PURB: variants seen among roughly 807,000 people sequenced by gnomAD.
PURB encodes transcriptional regulator protein Pur-beta.
A neutral mutation model predicts 21.1 loss-of-function variants in PURB; 11 were observed. The ratio of observed to expected loss-of-function variants is 0.52; its 90% CI spans 0.33 to 0.86. The LOEUF (loss-of-function observed/expected upper bound fraction) is 0.86, where lower values mean the gene tolerates loss of function less well. Ranked by LOEUF, PURB falls within the 40% of genes least tolerant of loss-of-function variation. The pLI is 0.02. For missense variants in PURB, 357 were observed against 456.5 expected, an observed-to-expected ratio of 0.78 and a Z score of 1.99; for synonymous variants, 246 against 210.8, an observed-to-expected ratio of 1.17 and a Z score of -1.45.
In PURB at chr7:44,882,996, T is replaced by A. The variant is rs1241343390; in HGVS notation, c.*1414A>T. On this transcript the variant is annotated 3_prime_UTR_variant, in exon 1 of 1. Transcript: ENST00000395699. ...CTGGATTAACTGGCAAAAGCCAGTT[T>A]GTTGAAATTTCAAGATGGTATAAAA... 6.6e-6 allele frequency: 1 copy of A among 152,384 alleles called. No individual in the cohort carries two copies. The highest frequency in any genetic ancestry group is 1.5e-5 in the Non-Finnish European group (1 of 68,026). 9.4% of individuals were successfully genotyped at this position (152,384 alleles called of 1,614,324 possible).
chr7:44,881,778 A>G lies in PURB; in HGVS notation c.*2632T>C, dbSNP rs952552977. 3.9e-5 allele frequency: 6 copies of G among 154,744 alleles called. No homozygotes were observed. The highest frequency in any genetic ancestry group is 1.4e-4 in the African/African-American group (6 of 41,512). The allele number at this position is 154,744 out of a possible 1,614,324, so 9.6% of individuals were successfully genotyped here. Reference sequence around the variant, plus strand: ...GTAGTGTTCTTGGCATATACTCTATATGCCTCAGACCACTTCCACATTCTT... The same window carrying G: ...GTAGTGTTCTTGGCATATACTCTATGTGCCTCAGACCACTTCCACATTCTT... On this transcript the variant is annotated 3_prime_UTR_variant, in exon 1 of 1. Coordinates refer to ENST00000395699, the MANE Select transcript of PURB (RefSeq NM_033224.5).
chr7:44,885,384 C>T lies in PURB; in HGVS notation c.-36G>A. 2.2e-6 allele frequency: 2 copies of T among 903,496 alleles called. No homozygotes were observed. Among genetic ancestry groups the T allele is most frequent in the Non-Finnish European group, 1.4e-6 (1 of 733,480 alleles). The allele number at this position is 903,496 out of a possible 1,614,324, so 56.0% of individuals were successfully genotyped here. ...GCCGCCTCGCCGCCACCGCCCGCCGCGCTCGCGCCCCCGCCCTCCGGCTCG... is the reference window on the plus strand; with the variant it reads ...GCCGCCTCGCCGCCACCGCCCGCCGTGCTCGCGCCCCCGCCCTCCGGCTCG... On this transcript the variant is annotated 5_prime_UTR_variant, in exon 1 of 1. Transcript: ENST00000395699.
chr7:44,885,139 C>T lies in PURB; in HGVS notation c.210G>A (p.Lys70=), dbSNP rs1162190397. The stretch of plus-strand genomic sequence containing the variant: ...CCGCCATGGACAGCGTGAGGCGGCT[C>T]TTGGAACCGCCCGCGCCCACCTCGG... The part of the protein sequence containing the change: ...KIAEVGAGGS[K]SRLTLSMAVA... Residue 70 remains lysine (K), a synonymous_variant, in exon 1 of 1, where the codon AAG becomes AAA. Coordinates refer to ENST00000395699, the MANE Select transcript of PURB (RefSeq NM_033224.5). The T allele has an allele frequency of 1.9e-6, 3 of 1,570,444 alleles. No homozygotes were observed. Among genetic ancestry groups the T allele is most frequent in the Admixed American group, 1.9e-5 (1 of 53,134 alleles).
rs1005819321 is a variant in PURB at position 44,883,223 on chromosome 7, G to A, written c.*1187C>T. The A allele has an allele frequency of 2.6e-5, 4 of 152,580 alleles. No homozygotes were observed. Among genetic ancestry groups the A allele is most frequent in the African/African-American group, 7.2e-5 (3 of 41,426 alleles). The allele number at this position is 152,580 out of a possible 1,614,324, so 9.5% of individuals were successfully genotyped here. ...GGAATTCTGGACCTGAGGATCTTTA[G>A]TATTTGAACAAATCCACAGATTAAA... On this transcript the variant is annotated 3_prime_UTR_variant, in exon 1 of 1. Transcript: ENST00000395699.
Position 44,884,914 on chromosome 7 carries a change from G to A in PURB, c.435C>T (p.Arg145=), listed in dbSNP as rs989694489. ...LKENQRGRFL[R]IRQTVNRGGG... ...CGCCGCGGTTGACCGTTTGGCGGATGCGCAGGAAGCGGCCGCGCTGGTTCT... is the reference window on the plus strand; with the variant it reads ...CGCCGCGGTTGACCGTTTGGCGGATACGCAGGAAGCGGCCGCGCTGGTTCT... Residue 145 remains arginine, a synonymous_variant, in exon 1 of 1, where the codon CGC becomes CGT. Coordinates refer to ENST00000395699, the MANE Select transcript of PURB (RefSeq NM_033224.5). The A allele has an allele frequency of 5.7e-6, 9 of 1,579,932 alleles. No individual in the cohort carries two copies. The highest frequency in any genetic ancestry group is 2.3e-5 in the East Asian group (1 of 43,040).
At position 44,876,956 on chromosome 7, in the gene PURB, T is replaced by C. The variant is rs1347121425; in HGVS notation, c.*7454A>G. 6.6e-6 allele frequency: 1 copy of C among 152,660 alleles called. No homozygotes were observed. Among genetic ancestry groups the C allele is most frequent in the African/African-American group, 2.4e-5 (1 of 41,462 alleles). The allele number at this position is 152,660 out of a possible 1,614,324, so 9.5% of individuals were successfully genotyped here. On this transcript the variant is annotated 3_prime_UTR_variant, in exon 1 of 1. Transcript: ENST00000395699. ...ACAGGAATACACACTTGGTTTACAA[T>C]GCATAAGCATGTGGGTATTTACACA...
rs975003013 is a variant in PURB, at chr7:44,878,518, T to G, written c.*5892A>C. 6.6e-6 allele frequency: 1 copy of G among 152,562 alleles called. No homozygotes were observed. The highest frequency in any genetic ancestry group is 1.5e-5 in the Non-Finnish European group (1 of 68,034). 9.5% of individuals were successfully genotyped at this position (152,562 alleles called of 1,614,324 possible). A position where few individuals can be genotyped will look rare whatever the true frequency, so the allele number is the denominator to read the frequency against. Reference sequence around the variant, plus strand: ...AGCAGTGAAACTACCAATATGGCAGTTGCTATTCTATTGTTTTAACATGAC... The same window carrying G: ...AGCAGTGAAACTACCAATATGGCAGGTGCTATTCTATTGTTTTAACATGAC... On this transcript the variant is annotated 3_prime_UTR_variant, in exon 1 of 1. Coordinates refer to ENST00000395699, the MANE Select transcript of PURB (RefSeq NM_033224.5).
Position 44,884,891 on chromosome 7 carries a change from C to T in PURB, c.458G>A (p.Gly153Asp). 6.4e-7 allele frequency: 1 copy of T among 1,565,908 alleles called. No homozygotes were observed. The highest frequency in any genetic ancestry group is 8.6e-7 in the Non-Finnish European group (1 of 1,158,556). The change falls in exon 1 of 1, where the codon GGC becomes GAC. Residue 153 changes from glycine to aspartate, a missense_variant. By Grantham distance (94) the Gly-to-Asp change is moderately conservative (BLOSUM62 -1). Transcript: ENST00000395699. Reference sequence around the variant, plus strand: ...GGGGCCCGCGCCGAAGCCGCCACCGCCGCGGTTGACCGTTTGGCGGATGCG... The same window carrying T: ...GGGGCCCGCGCCGAAGCCGCCACCGTCGCGGTTGACCGTTTGGCGGATGCG... ...FLRIRQTVNRGGGGFGAGPGP... is the reference protein window; with the variant it reads ...FLRIRQTVNRDGGGFGAGPGP...
chr7:44,885,312 C>T lies in PURB; in HGVS notation c.37G>A (p.Gly13Ser). ...GGCTGGAACCCGCACGGCCCACCGC[C>T]GCCGCCGCGCTCGCTGCCGCTGTCG... is the stretch of plus-strand genomic sequence containing the variant. Reference protein sequence around the residue: ...DGDSGSERGGGGGPCGFQPAS... With the variant: ...DGDSGSERGGSGGPCGFQPAS... The change falls in exon 1 of 1, where the codon GGC becomes AGC. Residue 13 changes from glycine to serine, a missense_variant. Coordinates refer to ENST00000395699, the MANE Select transcript of PURB (RefSeq NM_033224.5). The T allele has an allele frequency of 7.4e-6, 10 of 1,358,856 alleles. No homozygotes were observed. Among genetic ancestry groups the T allele is most frequent in the Non-Finnish European group, 9.4e-6 (10 of 1,062,390 alleles). The allele number at this position is 1,358,856 out of a possible 1,614,324, so 84.2% of individuals were successfully genotyped here.
chr7:44,882,866 G>C lies in PURB; in HGVS notation c.*1544C>G, dbSNP rs192436366. ...GACATTTCTAGGAATACCTTTTGAT[G>C]GGGTGGGATTAACTTGATTAGTAAA... On this transcript the variant is annotated 3_prime_UTR_variant, in exon 1 of 1. Transcript: ENST00000395699. 371 of 152,316 alleles carry C rather than the reference G, an allele frequency of 2.4e-3. No individual in the cohort carries two copies. Among genetic ancestry groups the C allele is most frequent in the African/African-American group, 8.5e-3 (355 of 41,572 alleles). The allele number at this position is 152,316 out of a possible 1,614,324, so 9.4% of individuals were successfully genotyped here. A position where few individuals can be genotyped will look rare whatever the true frequency, so the allele number is the denominator to read the frequency against.
rs1793835676 is a variant in PURB at position 44,878,830 on chromosome 7, A to G, written c.*5580T>C. ...CAAGTAAGAGTCTGTTAAATCCGTCAGTAATAAAACTGAGTTTTAAGACTG... is the reference window on the plus strand; with the variant it reads ...CAAGTAAGAGTCTGTTAAATCCGTCGGTAATAAAACTGAGTTTTAAGACTG... On this transcript the variant is annotated 3_prime_UTR_variant, in exon 1 of 1. Transcript: ENST00000395699. 6.6e-6 allele frequency: 1 copy of G among 152,442 alleles called. No individual in the cohort carries two copies. The highest frequency in any genetic ancestry group is 2.4e-5 in the African/African-American group (1 of 41,470). The allele number at this position is 152,442 out of a possible 1,614,324, so 9.4% of individuals were successfully genotyped here.
In PURB at chr7:44,884,538, C is replaced by A; in HGVS notation, c.811G>T (p.Ala271Ser). The change falls in exon 1 of 1, where the codon GCC (alanine) becomes TCC (serine). Residue 271 changes from alanine (A) to serine (S), a missense_variant. By Grantham distance (99) the Ala-to-Ser change is moderately conservative. Transcript: ENST00000395699. Reference protein sequence around the residue: ...PFKAWGKFGGAFCRYADEMKE... With the variant: ...PFKAWGKFGGSFCRYADEMKE... Reference sequence around the variant, plus strand: ...ATCTCATCCGCATACCGGCAAAAGGCGCCTCCGAACTTGCCCCAGGCTTTG... The same window carrying A: ...ATCTCATCCGCATACCGGCAAAAGGAGCCTCCGAACTTGCCCCAGGCTTTG... The A allele has an allele frequency of 6.2e-7, 1 of 1,614,126 alleles. No homozygotes were observed. The highest frequency in any genetic ancestry group is 8.5e-7 in the Non-Finnish European group (1 of 1,180,034).
In PURB at chr7:44,883,919, A is replaced by G; in HGVS notation, c.*491T>C. 1 of 157,190 alleles carries G rather than the reference A, an allele frequency of 6.4e-6. No homozygotes were observed. Among genetic ancestry groups the G allele is most frequent in the Non-Finnish European group, 1.4e-5 (1 of 71,134 alleles). The allele number at this position is 157,190 out of a possible 1,614,324, so 9.7% of individuals were successfully genotyped here. A position where few individuals can be genotyped will look rare whatever the true frequency, so the allele number is the denominator to read the frequency against. On this transcript the variant is annotated 3_prime_UTR_variant, in exon 1 of 1. Coordinates refer to ENST00000395699, the MANE Select transcript of PURB (RefSeq NM_033224.5). Reference sequence around the variant, plus strand: ...GCCTCTCTTCTCAAGGATTCCATGAAGACCTAGATCCAAAATGCTGATTTC... The same window carrying G: ...GCCTCTCTTCTCAAGGATTCCATGAGGACCTAGATCCAAAATGCTGATTTC...
rs554743978 is a variant in PURB at position 44,881,112 on chromosome 7, A to C, written c.*3298T>G. The C allele has an allele frequency of 2.6e-5, 4 of 152,428 alleles. No homozygotes were observed. In the South Asian group the frequency reaches 8.3e-4, roughly 32 times the overall value. The allele number at this position is 152,428 out of a possible 1,614,324, so 9.4% of individuals were successfully genotyped here. A position where few individuals can be genotyped will look rare whatever the true frequency, so the allele number is the denominator to read the frequency against. The stretch of plus-strand genomic sequence containing the variant: ...TTCTGTTCCTAAAATTTGGCTTTTC[A>C]CCTTTGTAACTATGGTAGTTTGGGA... On this transcript the variant is annotated 3_prime_UTR_variant, in exon 1 of 1. Coordinates refer to ENST00000395699, the MANE Select transcript of PURB (RefSeq NM_033224.5).
chr7:44,884,269 T>C lies in PURB; in HGVS notation c.*141A>G. 2.1e-6 allele frequency: 3 copies of C among 1,451,260 alleles called. No individual in the cohort carries two copies. The highest frequency in any genetic ancestry group is 2.4e-5 in the East Asian group (1 of 41,376). 89.9% of individuals were successfully genotyped at this position (1,451,260 alleles called of 1,614,324 possible). A position where few individuals can be genotyped will look rare whatever the true frequency, so the allele number is the denominator to read the frequency against. On this transcript the variant is annotated 3_prime_UTR_variant, in exon 1 of 1. Coordinates refer to ENST00000395699, the MANE Select transcript of PURB (RefSeq NM_033224.5). The stretch of plus-strand genomic sequence containing the variant: ...ACTGTTCTCTTACGATTATTTCTCT[T>C]AACTGTGTTACGTTTTGTTTTTTCC...
rs1448900990 is a variant in PURB at position 44,879,376 on chromosome 7, G to A, written c.*5034C>T. On this transcript the variant is annotated 3_prime_UTR_variant, in exon 1 of 1. Coordinates refer to ENST00000395699, the MANE Select transcript of PURB (RefSeq NM_033224.5). ...TATGACACATACTTTATTCTTTTTT[G>A]TCTGTATTTTCTTAAGGTAAATGTG... 6.6e-6 allele frequency: 1 copy of A among 151,024 alleles called. No homozygotes were observed. The highest frequency in any genetic ancestry group is 1.5e-5 in the Non-Finnish European group (1 of 67,672). The allele number at this position is 151,024 out of a possible 1,614,324, so 9.4% of individuals were successfully genotyped here.
At position 44,880,393 on chromosome 7, in the gene PURB, A is replaced by C. The variant is rs985862361; in HGVS notation, c.*4017T>G. 2.6e-5 allele frequency: 4 copies of C among 152,684 alleles called. No individual in the cohort carries two copies. Among genetic ancestry groups the C allele is most frequent in the Non-Finnish European group, 5.9e-5 (4 of 68,052 alleles). The allele number at this position is 152,684 out of a possible 1,614,324, so 9.5% of individuals were successfully genotyped here. On this transcript the variant is annotated 3_prime_UTR_variant, in exon 1 of 1. Coordinates refer to ENST00000395699, the MANE Select transcript of PURB (RefSeq NM_033224.5). ...TACCATAATTGGGTTAAAAATGAAA[A>C]CAAAATTTACAGTGAAGAATACTTA... is the stretch of plus-strand genomic sequence containing the variant.
In PURB at chr7:44,881,164, A is replaced by T. The variant is rs759527891; in HGVS notation, c.*3246T>A. On this transcript the variant is annotated 3_prime_UTR_variant, in exon 1 of 1. Transcript: ENST00000395699. ...ACAAACCTTCTAACAATTATATGAAAAGAAGTTTTAGTTTCCTACTTCTCA... is the reference window on the plus strand; with the variant it reads ...ACAAACCTTCTAACAATTATATGAATAGAAGTTTTAGTTTCCTACTTCTCA... 3 of 152,196 alleles carry T rather than the reference A, an allele frequency of 2.0e-5. No individual in the cohort carries two copies. The highest frequency in any genetic ancestry group is 4.4e-5 in the Non-Finnish European group (3 of 68,028). The allele number at this position is 152,196 out of a possible 1,614,324, so 9.4% of individuals were successfully genotyped here.
chr7:44,885,003 G>A lies in PURB; in HGVS notation c.346C>T (p.Arg116Trp). 1 of 1,542,346 alleles carries A rather than the reference G, an allele frequency of 6.5e-7. No homozygotes were observed. Among genetic ancestry groups the A allele is most frequent in the Non-Finnish European group, 8.7e-7 (1 of 1,146,576 alleles). The change falls in exon 1 of 1, where the codon CGG becomes TGG. Residue 116 changes from arginine (R) to tryptophan (W), a missense_variant. Transcript: ENST00000395699. Reference protein sequence around the residue: ...AAGAEEGGGPRRALKSEFLVR... With the variant: ...AAGAEEGGGPWRALKSEFLVR... ...AAGAATTCGCTCTTGAGCGCGCGCC[G>A]CGGCCCGCCGCCCTCCTCGGCGCCA...
Sources: gnomAD v4.1 joint callset for allele counts on GRCh38, gnomAD v4.1.1 for gene constraint, MANE v1.5 for transcripts, NCBI Gene and HGNC (gene_info 2026-07-23, HGNC 2026-07-21) for gene names.